MCC: variants seen among roughly 807,000 people sequenced by gnomAD.
The protein encoded by MCC is colorectal mutant cancer protein.
In MCC, 90 loss-of-function variants were observed where a neutral mutation model predicts 116.2. The observed-to-expected ratio is 0.77, with a 90% CI of 0.65 to 0.92. The LOEUF (loss-of-function observed/expected upper bound fraction) is 0.92. Among genes scored for constraint, MCC ranks in the 40% least tolerant of loss-of-function variants. The pLI is 0.00. For missense variants in MCC, 1,516 were observed against 1,312.2 expected, an observed-to-expected ratio of 1.16 and a Z score of -2.40; for synonymous variants, 578 against 510.5, an observed-to-expected ratio of 1.13 and a Z score of -1.78.
At chr5:113,367,002 T>C (rs1009134090) in intron 2 of MCC, among the ~76,000 whole-genome samples, 4 of 152,084 alleles carry the variant, frequency 2.6e-5, no homozygotes, top group African/African-American at 9.7e-5. Context: ...AGGGTCTCCC[T>C]ATGTTGCCCA....
At chr5:113,351,056 G>C (rs1561534224) in intron 2 of MCC, among the ~76,000 whole-genome samples, 1 of 152,072 alleles carries the variant, frequency 6.6e-6, no homozygotes, top group South Asian at 2.1e-4. Flanking sequence ...TGGGGATATA[G>C]AGAAAAGGGA....
chr5:113,316,500 A>G (rs1767288981), intron 3 of MCC, among the ~76,000 whole-genome samples: 1 of 152,202 alleles, frequency 6.6e-6, no homozygotes, highest in African/African-American at 2.4e-5. Flanking sequence ...ATATTCTCCT[A>G]GAGCTCATTT....
intron 11 of MCC, among the ~76,000 whole-genome samples, chr5:113,075,325 C>T (rs1754359654): frequency 6.6e-6 from 1 of 152,230 alleles, no homozygotes; most frequent in South Asian, 2.1e-4. Context: ...CCCTCACCCC[C>T]TGTGGGTTCC....
chr5:113,468,242 G>A (rs1771971894), intron 1 of MCC, among the ~76,000 whole-genome samples: 1 of 152,098 alleles, frequency 6.6e-6, no homozygotes, highest in Non-Finnish European at 1.5e-5. Context: ...GTGAGAGAGG[G>A]CATCCCTGTC....
chr5:113,292,978 T>G (rs959501994), intron 3 of MCC, among the ~76,000 whole-genome samples: 2 of 152,162 alleles, frequency 1.3e-5, no homozygotes, highest in Non-Finnish European at 2.9e-5. Context: ...CACCTCCCAT[T>G]TTTAAGTTCT....
intron 3 of MCC, among the ~76,000 whole-genome samples, chr5:113,314,324 T>C (rs1767221721): frequency 2.6e-5 from 4 of 152,114 alleles, no homozygotes; most frequent in African/African-American, 9.7e-5. Flanking sequence ...GACTTGGGAG[T>C]GAAGGCTGGA....
intron 1 of MCC, among the ~76,000 whole-genome samples, chr5:113,458,421 C>T (rs567537746): frequency 8.3e-4 from 126 of 151,552 alleles, no homozygotes; most frequent in African/African-American, 2.8e-3. Context: ...GAAGAAACTC[C>T]GAACACATCC....
intron 3 of MCC, among the ~76,000 whole-genome samples, chr5:113,194,099 A>T (rs1363916465): frequency 6.6e-6 from 1 of 152,158 alleles, no homozygotes; most frequent in African/African-American, 2.4e-5. Flanking sequence ...ACTCCTATAG[A>T]TCTAAGCTTA....
intron 5 of MCC, among the ~76,000 whole-genome samples, chr5:113,124,850 C>A (rs75843756): frequency 0.015 from 2,224 of 152,322 alleles, 63 homozygotes; most frequent in African/African-American, 0.051. Flanking sequence ...TTCAAGGAGA[C>A]AAAGATGTTC....
In MCC at chr5:113,060,670, C is replaced by T. The variant is rs377497833; in HGVS notation, c.2213+3314G>A. On this transcript the variant is annotated intron_variant, in intron 14 of 18. Coordinates refer to ENST00000408903, the MANE Select transcript of MCC (RefSeq NM_001085377.2). Reference sequence around the variant, plus strand: ...TTCTTTTGAAATCAAGAAGTTAGATCTCACTAGAAAAAAAACCATAAAAAG... The same window carrying T: ...TTCTTTTGAAATCAAGAAGTTAGATTTCACTAGAAAAAAAACCATAAAAAG... 5.2e-4 allele frequency among the ~76,000 whole-genome samples: 79 copies of T among 152,238 alleles called. 1 individual carries two copies. In the South Asian group the frequency reaches 0.016, roughly 30 times the overall value.
At chr5:113,274,395 T>C (rs1348165548) in intron 3 of MCC, among the ~76,000 whole-genome samples, 1 of 152,252 alleles carries the variant, frequency 6.6e-6, no homozygotes, top group Non-Finnish European at 1.5e-5. Context: ...GTTTTGTTCT[T>C]GTTGCCCAGG....
chr5:113,145,776 AC>A (rs1465309008), intron 4 of MCC, among the ~76,000 whole-genome samples: 6 of 13,866 alleles, frequency 4.3e-4, no homozygotes, highest in African/African-American at 9.1e-4. Flanking sequence ...ACACACACAC[AC>A]ACACACAAAC....
intron 1 of MCC, among the ~76,000 whole-genome samples, chr5:113,439,259 T>G (rs1400562053): frequency 6.6e-6 from 1 of 152,160 alleles, no homozygotes; most frequent in Non-Finnish European, 1.5e-5. Context: ...CAGAGTGAAG[T>G]GCCAGTCAAG....
At chr5:113,344,078 C>A (rs1261569996) in intron 2 of MCC, among the ~76,000 whole-genome samples, 1 of 152,188 alleles carries the variant, frequency 6.6e-6, no homozygotes, top group Non-Finnish European at 1.5e-5. Context: ...CTCCCGTACT[C>A]TCCAGCAGTG....
rs889490650 is a variant in MCC at position 113,174,409 on chromosome 5, C to A, written c.628-22987G>T. On this transcript the variant is annotated intron_variant, in intron 3 of 18. Coordinates refer to ENST00000408903, the MANE Select transcript of MCC (RefSeq NM_001085377.2). Reference sequence around the variant, plus strand: ...GCACCTCTTTTGATCTAATGATTTACTAGTTTTAAGATATATTTACAAAGA... The same window carrying A: ...GCACCTCTTTTGATCTAATGATTTAATAGTTTTAAGATATATTTACAAAGA... Among the ~76,000 whole-genome samples the A allele has an allele frequency of 4.6e-5, 7 of 152,198 alleles. No homozygotes were observed. The South Asian group carries it at 1.5e-3, about 32-fold the overall frequency.
At chr5:113,196,666 G>A (rs964454652) in intron 3 of MCC, among the ~76,000 whole-genome samples, 1 of 152,112 alleles carries the variant, frequency 6.6e-6, no homozygotes, top group African/African-American at 2.4e-5. Context: ...TGGCTAACAC[G>A]GTGAAACCCC....
rs147631366 is a variant in MCC at position 113,187,126 on chromosome 5, A to G, written c.628-35704T>C. 3.5e-3 allele frequency among the ~76,000 whole-genome samples: 531 copies of G among 152,176 alleles called. 4 individuals carry two copies. The highest frequency in any genetic ancestry group is 0.012 in the African/African-American group (509 of 41,534). ...AAACTCATTTAAACTTTCACCTCCT[A>G]TAGTTTATCCTCCACTCCTCATATG... On this transcript the variant is annotated intron_variant, in intron 3 of 18. Coordinates refer to ENST00000408903, the MANE Select transcript of MCC (RefSeq NM_001085377.2).
chr5:113,201,977 T>G (rs1248589594), intron 3 of MCC, among the ~76,000 whole-genome samples: 1 of 151,874 alleles, frequency 6.6e-6, no homozygotes, highest in East Asian at 1.9e-4. Flanking sequence ...ACAACCCCAT[T>G]TTCATCGCTC....
At chr5:113,390,043 T>C (rs1769365299) in intron 1 of MCC, among the ~76,000 whole-genome samples, 1 of 151,860 alleles carries the variant, frequency 6.6e-6, no homozygotes, top group Non-Finnish European at 1.5e-5. Context: ...AAAACTAAGA[T>C]AGTCCAGCAG....
Sources: allele counts gnomAD v4.1 joint callset (sites outside exome capture counted in the v4.1 genomes callset), GRCh38; gene constraint gnomAD v4.1.1; transcripts MANE v1.5; gene names NCBI Gene and HGNC (gene_info 2026-07-23, HGNC 2026-07-21).